Variants in MNAT1 observed in about 807,000 individuals in gnomAD.
MNAT1 encodes CDK-activating kinase assembly factor MAT1.
A neutral mutation model predicts 42.0 loss-of-function variants in MNAT1; 43 were observed. That is an observed-to-expected ratio of 1.02 (90% confidence interval 0.80 to 1.32). The LOEUF is 1.32. Ranked by LOEUF, MNAT1 falls within the 40% of genes most tolerant of loss-of-function variation. The pLI, the probability that MNAT1 is intolerant of heterozygous loss-of-function variation, is 0.00. For missense variants in MNAT1, 306 were observed against 350.4 expected (o/e 0.87, Z 1.01); for synonymous variants, 118 against 120.0 (o/e 0.98, Z 0.11).
chr14:60,953,910 C>T (rs2036431040), intron 7 of MNAT1, among the ~76,000 whole-genome samples: 2 of 152,002 alleles, frequency 1.3e-5, no homozygotes, highest in South Asian at 2.1e-4. Flanking sequence ...ACCTTTTGGC[C>T]ATTTGTATGT....
At chr14:60,790,338 C>T (rs1391076106) in intron 1 of MNAT1, among the ~76,000 whole-genome samples, 1 of 152,126 alleles carries the variant, frequency 6.6e-6, no homozygotes, top group African/African-American at 2.4e-5. Flanking sequence ...TCCTCTGAGG[C>T]TCATCTGAGA....
intron 6 of MNAT1, among the ~76,000 whole-genome samples, chr14:60,869,503 A>G (rs988729744): frequency 1.3e-5 from 2 of 152,132 alleles, no homozygotes; most frequent in African/African-American, 4.8e-5. Flanking sequence ...AGAGTTTAAC[A>G]GGCTTACAGG....
intron 6 of MNAT1, among the ~76,000 whole-genome samples, chr14:60,829,552 G>T (rs144488697): frequency 6.6e-6 from 1 of 152,264 alleles, no homozygotes; most frequent in African/African-American, 2.4e-5. Context: ...TATGGCAGTG[G>T]TTGAATTTAT....
At chr14:60,877,526 G>A (rs1388834224) in intron 6 of MNAT1, among the ~76,000 whole-genome samples, 1 of 151,708 alleles carries the variant, frequency 6.6e-6, no homozygotes, top group Non-Finnish European at 1.5e-5. Context: ...AGTAATTTAG[G>A]GGAAAAAGGA....
intron 6 of MNAT1, among the ~76,000 whole-genome samples, chr14:60,862,042 A>G (rs1334006894): frequency 6.6e-6 from 1 of 152,202 alleles, no homozygotes; most frequent in Non-Finnish European, 1.5e-5. Flanking sequence ...AAGAAAACAC[A>G]AGACAGTATA....
At chr14:60,947,824 TG>T (rs2036310144) in intron 7 of MNAT1, among the ~76,000 whole-genome samples, 1 of 152,230 alleles carries the variant, frequency 6.6e-6, no homozygotes, top group Non-Finnish European at 1.5e-5. Flanking sequence ...ATGCTCCAAA[TG>T]GAACTTACCT....
chr14:60,841,155 CTTTCCATTTCCT>C (rs948940774), intron 6 of MNAT1, among the ~76,000 whole-genome samples: 1 of 151,808 alleles, frequency 6.6e-6, no homozygotes, highest in Non-Finnish European at 1.5e-5. Flanking sequence ...CCCTCTCTCC[CTTTCCATTTCCT>C]TTTCCCTTTC....
rs556280035 is a variant in MNAT1, at chr14:60,769,666, T to G, written c.90-26551T>G. ...TTTAAAAATTAAAAAAAAAATTTGT[T>G]TTTTTTAGAGACAGGGCCTTACTCC... is the stretch of plus-strand genomic sequence containing the variant. On this transcript the variant is annotated intron_variant, in intron 1 of 7. Transcript: ENST00000261245. Among the ~76,000 whole-genome samples the G allele has an allele frequency of 2.0e-5, 3 of 152,212 alleles. No individual in the cohort carries two copies. In the East Asian group the frequency reaches 5.8e-4, roughly 29 times the overall value.
intron 7 of MNAT1, among the ~76,000 whole-genome samples, chr14:60,915,806 G>A (rs1261288106): frequency 6.6e-6 from 1 of 152,186 alleles, no homozygotes; most frequent in Non-Finnish European, 1.5e-5. Context: ...AGATTTAAGT[G>A]AAATTCAGTC....
At chr14:60,786,172 A>G (rs1422001602) in intron 1 of MNAT1, among the ~76,000 whole-genome samples, 1 of 152,130 alleles carries the variant, frequency 6.6e-6, no homozygotes, top group Non-Finnish European at 1.5e-5. Flanking sequence ...AAGTTTCTTT[A>G]TAGTGATTCT....
intron 1 of MNAT1, among the ~76,000 whole-genome samples, chr14:60,785,682 A>C (rs2031625345): frequency 6.6e-6 from 1 of 152,176 alleles, no homozygotes; most frequent in Non-Finnish European, 1.5e-5. Context: ...TAGCTTATAT[A>C]ATTTAGTCTA....
intron 1 of MNAT1, among the ~76,000 whole-genome samples, chr14:60,784,223 C>G (rs1481176529): frequency 9.7e-6 from 1 of 103,392 alleles, no homozygotes; most frequent in Non-Finnish European, 1.9e-5. Context: ...GAGGTTTTGC[C>G]ATGTTGGCCA....
At chr14:60,911,278 C>T (rs528205006) in intron 7 of MNAT1, among the ~76,000 whole-genome samples, 1 of 152,232 alleles carries the variant, frequency 6.6e-6, no homozygotes, top group South Asian at 2.1e-4. Flanking sequence ...AAAACCAGCT[C>T]CTGGATTCAT....
chr14:60,877,678 C>A (rs1013411110), intron 6 of MNAT1, among the ~76,000 whole-genome samples: 14 of 151,908 alleles, frequency 9.2e-5, no homozygotes, highest in Non-Finnish European at 1.8e-4. Flanking sequence ...GGGTTAAAAT[C>A]AGCAAACACA....
intron 7 of MNAT1, among the ~76,000 whole-genome samples, chr14:60,936,878 C>G (rs2139579623): frequency 6.6e-6 from 1 of 152,262 alleles, no homozygotes; most frequent in Non-Finnish European, 1.5e-5. Context: ...CACATCCTCT[C>G]CAGCACCTGT....
At chr14:60,760,236 T>C (rs1326004611) in intron 1 of MNAT1, among the ~76,000 whole-genome samples, 1 of 152,182 alleles carries the variant, frequency 6.6e-6, no homozygotes, top group African/African-American at 2.4e-5. Flanking sequence ...CAGCATATGC[T>C]TTACCTCCTT....
In MNAT1 at chr14:60,803,696, C is replaced by T. The variant is rs528136327; in HGVS notation, c.317-4629C>T. ...TGCTGTTGAAGATAAACGTTTAAAT[C>T]TGGAGTAAGAAAACTAGAATTATTA... On this transcript the variant is annotated intron_variant, in intron 3 of 7. Transcript: ENST00000261245. Among the ~76,000 whole-genome samples the T allele has an allele frequency of 1.0e-3, 157 of 152,188 alleles. 1 individual carries two copies. Among genetic ancestry groups the T allele is most frequent in the South Asian group, 1.0e-3 (5 of 4,822 alleles).
chr14:60,929,170 A>AAATATATAT (rs1555336771), intron 7 of MNAT1, among the ~76,000 whole-genome samples: 1 of 47,462 alleles, frequency 2.1e-5, no homozygotes, highest in East Asian at 4.8e-4. Flanking sequence ...AAAAAAAAAA[A>AAATATATAT]ATATATATAT....
intron 7 of MNAT1, among the ~76,000 whole-genome samples, chr14:60,888,259 T>A (rs2034733229): frequency 6.6e-6 from 1 of 151,084 alleles, no homozygotes; most frequent in Non-Finnish European, 1.5e-5. Flanking sequence ...CATGATCAAG[T>A]GGGCTTCATC....
Sources: allele counts gnomAD v4.1 joint callset (sites outside exome capture counted in the v4.1 genomes callset), GRCh38; gene constraint gnomAD v4.1.1; transcripts MANE v1.5; gene names NCBI Gene and HGNC (gene_info 2026-07-23, HGNC 2026-07-21).